Variants in MARCHF1 observed in about 807,000 individuals in gnomAD.
MARCHF1 encodes membrane associated ring-CH-type finger 1.
MARCHF1 carries 40 observed loss-of-function variants against 54.2 expected under a neutral mutation model. That is an observed-to-expected ratio of 0.74 (90% CI 0.57 to 0.96). The LOEUF (loss-of-function observed/expected upper bound fraction) is 0.96. Ranked by LOEUF, MARCHF1 falls within the 40% of genes least tolerant of loss-of-function variation. The pLI, the probability that MARCHF1 is intolerant of heterozygous loss-of-function variation, is 0.00. For missense variants in MARCHF1, 586 were observed against 656.5 expected, an observed-to-expected ratio of 0.89 and a Z score of 1.17; for synonymous variants, 236 against 236.3, an observed-to-expected ratio of 1.00 and a Z score of 0.01.
At chr4:164,124,499 A>G (rs1366353196) in intron 1 of MARCHF1, among the ~76,000 whole-genome samples, 1 of 152,222 alleles carries the variant, frequency 6.6e-6, no homozygotes, top group African/African-American at 2.4e-5. Flanking sequence ...AGCAGTGTTT[A>G]TAATAGCTAA....
rs542998267 is a variant in MARCHF1, at chr4:163,796,311, C to CCG, written c.111+57708_111+57709dup. 5.1e-3 allele frequency among the ~76,000 whole-genome samples: 758 copies of CCG among 149,698 alleles called. 6 individuals are homozygous for CCG. Among genetic ancestry groups the CCG allele is most frequent in the African/African-American group, 0.018 (733 of 40,832 alleles). On this transcript the variant is annotated intron_variant, in intron 4 of 9. Transcript: ENST00000514618. ...GCACGATCACAGCTAACTGCAACCT[C>CCG]CGCCTCCCAGGTTCAAGTGATTCTC... is the stretch of plus-strand genomic sequence containing the variant.
intron 8 of MARCHF1, among the ~76,000 whole-genome samples, chr4:163,553,987 A>G (rs1237629997): frequency 6.6e-6 from 1 of 152,194 alleles, no homozygotes; most frequent in African/African-American, 2.4e-5. Flanking sequence ...ATTTCTATAC[A>G]TGAAGACTCT....
At chr4:163,984,862 T>C (rs764050174) in intron 3 of MARCHF1, among the ~76,000 whole-genome samples, 2 of 152,094 alleles carry the variant, frequency 1.3e-5, no homozygotes, top group African/African-American at 4.8e-5. Context: ...ATAAAGAGGG[T>C]AAACTGTCAG....
chr4:164,327,489 G>C (rs1735314553), intron 1 of MARCHF1, among the ~76,000 whole-genome samples: 1 of 152,156 alleles, frequency 6.6e-6, no homozygotes, highest in South Asian at 2.1e-4. Flanking sequence ...GTTGTTGTCA[G>C]GTCAGTGAAA....
chr4:164,363,808 C>A (rs1730797381), intron 1 of MARCHF1, among the ~76,000 whole-genome samples: 1 of 145,796 alleles, frequency 6.9e-6, no homozygotes, highest in Non-Finnish European at 1.5e-5. Flanking sequence ...TACTATGGAT[C>A]TACATCACAT....
In MARCHF1 at chr4:164,121,394, G is replaced by A. The variant is rs116684448; in HGVS notation, c.-322-9732C>T. Among the ~76,000 whole-genome samples, 1,311 of 152,184 alleles carry A rather than the reference G, an allele frequency of 8.6e-3. 14 individuals carry two copies. Among genetic ancestry groups the A allele is most frequent in the East Asian group, 0.043 (223 of 5,166 alleles). ...ACTGATAGTTCTGCATGGCTGAAGAGGACTCAGGAAACTTACAATCATGGT... is the reference window on the plus strand; with the variant it reads ...ACTGATAGTTCTGCATGGCTGAAGAAGACTCAGGAAACTTACAATCATGGT... On this transcript the variant is annotated intron_variant, in intron 1 of 9. Coordinates refer to ENST00000514618, the MANE Select transcript of MARCHF1 (RefSeq NM_001394959.1).
At chr4:164,250,490 G>C (rs1029521910) in intron 1 of MARCHF1, among the ~76,000 whole-genome samples, 1 of 152,004 alleles carries the variant, frequency 6.6e-6, no homozygotes, top group Admixed American at 6.6e-5. Flanking sequence ...TGTGTAAACT[G>C]GGTGATATAA....
intron 5 of MARCHF1, among the ~76,000 whole-genome samples, chr4:163,677,756 G>T (rs1022063660): frequency 1.3e-5 from 2 of 152,022 alleles, no homozygotes; most frequent in African/African-American, 4.8e-5. Context: ...TCTACCTCTC[G>T]CACATTTAAA....
intron 2 of MARCHF1, among the ~76,000 whole-genome samples, chr4:164,047,166 A>G (rs1754259333): frequency 6.6e-6 from 1 of 152,230 alleles, no homozygotes; most frequent in South Asian, 2.1e-4. Context: ...TGACATCCAT[A>G]GAGAAGAAAC....
chr4:164,197,480 C>T, intron 1 of MARCHF1: 4 of 1,613,658 alleles, frequency 2.5e-6, no homozygotes, highest in Non-Finnish European at 3.4e-6. Flanking sequence ...TCTGCCAATA[C>T]TTCCAGGCCC....
At chr4:163,701,280 C>T (rs554249862) in intron 4 of MARCHF1, among the ~76,000 whole-genome samples, 160 of 152,226 alleles carry the variant, frequency 1.1e-3, no homozygotes, top group African/African-American at 3.6e-3. Flanking sequence ...TGGGTATATG[C>T]TATATACATC....
chr4:163,814,122 A>G (rs534367902), intron 4 of MARCHF1, among the ~76,000 whole-genome samples: 21 of 152,296 alleles, frequency 1.4e-4, no homozygotes, highest in African/African-American at 5.1e-4. Context: ...CAAGTAGCAG[A>G]ATATGTTCCA....
intron 4 of MARCHF1, among the ~76,000 whole-genome samples, chr4:163,760,090 AGGCT>A (rs1424652261): frequency 1.3e-5 from 2 of 152,218 alleles, no homozygotes; most frequent in Non-Finnish European, 2.9e-5. Flanking sequence ...TTTCTTCAGA[AGGCT>A]GTAAGGGGGA....
At chr4:164,369,224 A>G (rs2110950969) in intron 1 of MARCHF1, among the ~76,000 whole-genome samples, 1 of 152,246 alleles carries the variant, frequency 6.6e-6, no homozygotes, top group South Asian at 2.1e-4. Flanking sequence ...CTGGGCAACA[A>G]TCCTTGAAGG....
rs1751743621 is a variant in MARCHF1, at chr4:163,934,215, T to C, written c.-39+54286A>G. On this transcript the variant is annotated intron_variant, in intron 3 of 9. Coordinates refer to ENST00000514618, the MANE Select transcript of MARCHF1 (RefSeq NM_001394959.1). ...TCCCAAAAAAGCCTTGTGAAAATGA[T>C]ATGCCCTATGTAACAGCAGAGCAAC... is the stretch of plus-strand genomic sequence containing the variant. 1.3e-5 allele frequency among the ~76,000 whole-genome samples: 2 copies of C among 152,118 alleles called. 1 individual carries two copies. Among genetic ancestry groups the C allele is most frequent in the Middle Eastern group, 6.3e-3 (2 of 316 alleles).
intron 1 of MARCHF1, among the ~76,000 whole-genome samples, chr4:164,141,219 C>G (rs76605153): frequency 2.6e-5 from 4 of 151,968 alleles, no homozygotes; most frequent in Non-Finnish European, 5.9e-5. Context: ...ACTACTGATA[C>G]TTTCTAAGGA....
At chr4:163,929,939 ATTTATAT>A (rs1751621412) in intron 3 of MARCHF1, among the ~76,000 whole-genome samples, 3 of 21,504 alleles carry the variant, frequency 1.4e-4, no homozygotes, top group African/African-American at 2.9e-4. Context: ...TATATTATAT[ATTTATAT>A]TATATATATT....
intron 1 of MARCHF1, among the ~76,000 whole-genome samples, chr4:164,379,588 T>C (rs1318111517): frequency 6.6e-6 from 1 of 151,806 alleles, no homozygotes; most frequent in Non-Finnish European, 1.5e-5. Context: ...CTAAAGAAAA[T>C]AATGGCAAAT....
In MARCHF1 at chr4:163,612,944, A is replaced by C; in HGVS notation, c.337T>G (p.Ser113Ala). The C allele has an allele frequency of 6.5e-7, 1 of 1,534,910 alleles. No individual in the cohort carries two copies. Among genetic ancestry groups the C allele is most frequent in the Non-Finnish European group, 8.7e-7 (1 of 1,146,346 alleles). Residue 113 changes from serine (S) to alanine (A), a missense_variant, in exon 7 of 10, where the codon TCA becomes GCA. Physicochemically the swap from Ser to Ala is moderately conservative, Grantham distance 99. This residue lies in a region of MARCHF1 where 387 missense variants were observed against 394.6 expected (regional missense o/e 0.98). Coordinates refer to ENST00000514618, the MANE Select transcript of MARCHF1 (RefSeq NM_001394959.1). ...SPARKESGKK[S>A]VIQRPRRRRK... Reference sequence around the variant, plus strand: ...CTCCTCCTAGGTCTTTGTATTACTGATTTCTTACCAGACTCCTTCCTAGCA... The same window carrying C: ...CTCCTCCTAGGTCTTTGTATTACTGCTTTCTTACCAGACTCCTTCCTAGCA...
Sources: gnomAD v4.1 joint callset for allele counts (sites outside exome capture counted in the v4.1 genomes callset) on GRCh38, gnomAD v4.1.1 for gene constraint, gnomAD v4.1.1 regional missense constraint, MANE v1.5 for transcripts, NCBI Gene and HGNC (gene_info 2026-07-23, HGNC 2026-07-21) for gene names.